The following KLF13 variants were observed in gnomAD, a reference collection of about 807,000 sequenced individuals.
KLF13 encodes KLF transcription factor 13.
A neutral mutation model predicts 16.7 loss-of-function variants in KLF13; 8 were observed. The observed-to-expected ratio is 0.48, with a 90% CI of 0.28 to 0.87. KLF13 has a LOEUF of 0.87. KLF13 is among the 40% of genes least tolerant of loss of function. The probability of loss-of-function intolerance (pLI) is 0.10; values close to 1 mark genes in which losing one functional copy is unlikely to be tolerated. For missense variants in KLF13, 447 were observed against 452.2 expected (o/e 0.99, Z 0.10); for synonymous variants, 245 against 208.4 (o/e 1.18, Z -1.51).
intron 1 of KLF13, among the ~76,000 whole-genome samples, chr15:31,412,150 T>C (rs1248118318): frequency 6.6e-6 from 1 of 152,190 alleles, no homozygotes; most frequent in Non-Finnish European, 1.5e-5. Flanking sequence ...TAAAAAAGGC[T>C]CAAGGGAGCT....
intron 1 of KLF13, among the ~76,000 whole-genome samples, chr15:31,352,419 G>A (rs1444803645): frequency 6.6e-6 from 1 of 152,264 alleles, no homozygotes; most frequent in African/African-American, 2.4e-5. Context: ...GAAAGGACAG[G>A]CTGTGTGAGC....
chr15:31,345,156 G>A (rs1481407035), intron 1 of KLF13, among the ~76,000 whole-genome samples: 1 of 152,248 alleles, frequency 6.6e-6, no homozygotes, highest in Non-Finnish European at 1.5e-5. Flanking sequence ...CCCAGGCAGA[G>A]CCAGGAGAGG....
chr15:31,379,155 C>T (rs186214921), downstream of KLF13, among the ~76,000 whole-genome samples: 29 of 152,292 alleles, frequency 1.9e-4, no homozygotes, highest in Non-Finnish European at 2.9e-4. Flanking sequence ...GCCTGATGAA[C>T]GTTTGTTTTC....
intron 1 of KLF13, among the ~76,000 whole-genome samples, chr15:31,425,694 T>C (rs2040392232): frequency 6.6e-6 from 1 of 151,982 alleles, no homozygotes; most frequent in African/African-American, 2.4e-5. Context: ...CTGGCCAACA[T>C]GGTAAAACCC....
At chr15:31,367,810 T>G (rs1370530826) in intron 1 of KLF13, among the ~76,000 whole-genome samples, 2 of 152,200 alleles carry the variant, frequency 1.3e-5, no homozygotes, top group African/African-American at 4.8e-5. Flanking sequence ...ATGGGATCAC[T>G]GTATGGACCC....
At chr15:31,381,181 A>AAAAAAT (rs1199748221), downstream of KLF13, among the ~76,000 whole-genome samples, 2 of 152,006 alleles carry the variant, frequency 1.3e-5, no homozygotes, top group Non-Finnish European at 2.9e-5. Context: ...CAAAAAAAAA[A>AAAAAAT]AAAAAATAGA....
chr15:31,335,265 A>G (rs973269523), intron 1 of KLF13, among the ~76,000 whole-genome samples: 1 of 152,002 alleles, frequency 6.6e-6, no homozygotes, highest in African/African-American at 2.4e-5. Context: ...GGAGACATGA[A>G]GTTTGTTCAG....
chr15:31,410,054 CAT>C (rs573926067), intron 1 of KLF13, among the ~76,000 whole-genome samples: 59 of 152,134 alleles, frequency 3.9e-4, no homozygotes, highest in African/African-American at 1.3e-3. Flanking sequence ...ATCAGTGTAT[CAT>C]GTGTTTATAG....
At chr15:31,417,301 C>A (rs550801086) in intron 1 of KLF13, among the ~76,000 whole-genome samples, 1 of 152,122 alleles carries the variant, frequency 6.6e-6, no homozygotes, top group East Asian at 1.9e-4. Flanking sequence ...TCAAGAACAG[C>A]CTGGCCAACA....
intron 1 of KLF13, among the ~76,000 whole-genome samples, chr15:31,341,857 T>C (rs754608802): frequency 6.6e-6 from 1 of 152,226 alleles, no homozygotes; most frequent in African/African-American, 2.4e-5. Context: ...CTTCTGCGTC[T>C]GTATCCTCCT....
chr15:31,359,332 G>A (rs2039347288), intron 1 of KLF13, among the ~76,000 whole-genome samples: 1 of 152,204 alleles, frequency 6.6e-6, no homozygotes, highest in South Asian at 2.1e-4. Flanking sequence ...TTTCAAGTGT[G>A]TTTTGTAACC....
intron 1 of KLF13, among the ~76,000 whole-genome samples, chr15:31,425,453 G>T (rs879657395): frequency 1.6e-4 from 24 of 152,190 alleles, no homozygotes; most frequent in Non-Finnish European, 3.2e-4. Flanking sequence ...ATATAAGAGA[G>T]ATCCCAGAAA....
intron 1 of KLF13, among the ~76,000 whole-genome samples, chr15:31,333,175 A>T (rs536594067): frequency 6.6e-6 from 1 of 152,300 alleles, no homozygotes; most frequent in South Asian, 2.1e-4. Flanking sequence ...CTTCACAAGG[A>T]CCCTATGAAG....
At chr15:31,413,206 A>AAC (rs1555382485) in intron 1 of KLF13, among the ~76,000 whole-genome samples, 8 of 145,448 alleles carry the variant, frequency 5.5e-5, no homozygotes, top group African/African-American at 9.9e-5. Context: ...AAAAAAACAA[A>AAC]AAACAAAAAA....
At chr15:31,425,324 C>T (rs978883534) in intron 1 of KLF13, among the ~76,000 whole-genome samples, 2 of 152,112 alleles carry the variant, frequency 1.3e-5, no homozygotes, top group African/African-American at 4.8e-5. Flanking sequence ...TAAGGAATAG[C>T]CCAAATAATT....
chr15:31,360,905 G>A (rs1037353549), intron 1 of KLF13, among the ~76,000 whole-genome samples: 1 of 152,166 alleles, frequency 6.6e-6, no homozygotes, highest in East Asian at 1.9e-4. Flanking sequence ...ACCTGGAGCC[G>A]GCCAGGTGGC....
intron 1 of KLF13, among the ~76,000 whole-genome samples, chr15:31,417,714 G>A (rs2040271647): frequency 6.6e-6 from 1 of 151,556 alleles, no homozygotes; most frequent in South Asian, 2.1e-4. Flanking sequence ...GCTAATTTTT[G>A]TATTTTTAGT....
In KLF13 at chr15:31,373,157, C is replaced by T. The variant is rs925123341; in HGVS notation, c.*858C>T. On this transcript the variant is annotated 3_prime_UTR_variant, in exon 2 of 2. Transcript: ENST00000307145. ...ATGCAGGACCCTGTCACTACTATAC[C>T]TGGGCCTCTGATGGGGAATTCTGGT... 6.6e-6 allele frequency: 1 copy of T among 152,270 alleles called. No homozygotes were observed. The highest frequency in any genetic ancestry group is 1.5e-5 in the Non-Finnish European group (1 of 68,044). 9.4% of individuals were successfully genotyped at this position (152,270 alleles called of 1,614,324 possible). A position where few individuals can be genotyped will look rare whatever the true frequency, so the allele number is the denominator to read the frequency against.
chr15:31,423,406 T>C (rs1219597587), intron 1 of KLF13, among the ~76,000 whole-genome samples: 1 of 151,110 alleles, frequency 6.6e-6, no homozygotes, highest in Non-Finnish European at 1.5e-5. Context: ...CTGAGGTGGG[T>C]GGATCACGTG....
Sources: gnomAD v4.1 joint callset for allele counts (sites outside exome capture counted in the v4.1 genomes callset) on GRCh38, gnomAD v4.1.1 for gene constraint, MANE v1.5 for transcripts, NCBI Gene and HGNC (gene_info 2026-07-23, HGNC 2026-07-21) for gene names.